AFF3: variants seen among roughly 807,000 people sequenced by gnomAD.
AFF3 encodes the protein ALF transcription elongation factor 3.
In AFF3, 32 loss-of-function variants were observed where a neutral mutation model predicts 129.7. That is an observed-to-expected ratio of 0.25 (90% confidence interval 0.19 to 0.33). AFF3 has a LOEUF of 0.33. AFF3 is among the 10% of genes least tolerant of loss of function. AFF3 has a pLI of 1.00. For missense variants in AFF3, 1,373 were observed against 1,592.0 expected, an observed-to-expected ratio of 0.86 and a Z score of 2.34; for synonymous variants, 644 against 635.4, an observed-to-expected ratio of 1.01 and a Z score of -0.20.
At chr2:99,725,021 A>T (rs561361547) in intron 11 of AFF3, among the ~76,000 whole-genome samples, 1 of 151,630 alleles carries the variant, frequency 6.6e-6, no homozygotes, top group South Asian at 2.1e-4. Flanking sequence ...CCCAGGCTGG[A>T]GTGCAGTGGT....
chr2:100,045,900 TTTATG>T (rs1410898971), intron 4 of AFF3, among the ~76,000 whole-genome samples: 4 of 152,274 alleles, frequency 2.6e-5, no homozygotes, highest in African/African-American at 9.6e-5. Flanking sequence ...TAATCAACTG[TTTATG>T]TTATCAGTAG....
intron 7 of AFF3, 63 bp from the exon 8 acceptor site, chr2:99,837,587 G>C (rs1576146817): frequency 6.7e-7 from 1 of 1,497,940 alleles, no homozygotes. Context: ...CAGAAGACAT[G>C]CAAGGTTCCA....
At chr2:100,036,667 A>AT (rs1491442787) in intron 4 of AFF3, among the ~76,000 whole-genome samples, 1 of 151,986 alleles carries the variant, frequency 6.6e-6, no homozygotes, top group Non-Finnish European at 1.5e-5. Flanking sequence ...TAGGAAAAAG[A>AT]TATGTGACAT....
In AFF3 at chr2:99,939,337, A is replaced by G. The variant is rs113852794; in HGVS notation, c.873+67295T>C. Among the ~76,000 whole-genome samples, 289 of 152,350 alleles carry G rather than the reference A, an allele frequency of 1.9e-3. 1 individual carries two copies. Among genetic ancestry groups the G allele is most frequent in the South Asian group, 3.3e-3 (16 of 4,822 alleles). The stretch of plus-strand genomic sequence containing the variant: ...AGAAAATAAATACAAATGTTTAATT[A>G]AGATAAACTTGGGTAACATTTAACC... On this transcript the variant is annotated intron_variant, in intron 7 of 24. Transcript: ENST00000672756.
intron 4 of AFF3, among the ~76,000 whole-genome samples, chr2:100,014,793 T>TTTTTTTTTTTTTTTTTTTTTTTTTTTTG (rs1682853968): frequency 6.8e-6 from 1 of 148,054 alleles, no homozygotes; most frequent in African/African-American, 2.5e-5. Context: ...CTTTTTTTTT[T>TTTTTTTTTTTTTTTTTTTTTTTTTTTTG]TTTTTTTTTA....
intron 7 of AFF3, among the ~76,000 whole-genome samples, chr2:99,943,937 G>C (rs1675312463): frequency 6.6e-6 from 1 of 151,214 alleles, no homozygotes; most frequent in African/African-American, 2.4e-5. Context: ...TTGATACAGG[G>C]TTTTGCCCAG....
chr2:100,081,286 T>A (rs1159743403), intron 4 of AFF3, among the ~76,000 whole-genome samples: 3 of 152,104 alleles, frequency 2.0e-5, no homozygotes. Flanking sequence ...AAAGTCTTGA[T>A]ACAGAGGCCC....
At chr2:99,672,650 C>T in intron 11 of AFF3, 61 bp from the exon 12 acceptor site, 1 of 1,494,618 alleles carries the variant, frequency 6.7e-7, no homozygotes. Context: ...CAGAATAATT[C>T]AGCACCAAAA....
chr2:99,782,821 G>A (rs1289993923), intron 8 of AFF3, among the ~76,000 whole-genome samples: 1 of 152,176 alleles, frequency 6.6e-6, no homozygotes, highest in Non-Finnish European at 1.5e-5. Flanking sequence ...TAAACTAATG[G>A]CATTTAGAAA....
At chr2:99,700,360 C>G (rs1245366170) in intron 11 of AFF3, among the ~76,000 whole-genome samples, 1 of 152,152 alleles carries the variant, frequency 6.6e-6, no homozygotes, top group Admixed American at 6.5e-5. Context: ...GCCTTGTGAT[C>G]CACCTGCCTT....
rs1024248281 is a variant in AFF3, at chr2:99,938,950, C to T, written c.873+67682G>A. 3.3e-5 allele frequency among the ~76,000 whole-genome samples: 5 copies of T among 152,152 alleles called. 1 individual carries two copies. The South Asian group carries it at 6.2e-4, about 19-fold the overall frequency. ...TACCTTTTTCCTCTCTCAGCCTTTC[C>T]AACCAGGTCATTACTCGCTCTTATA... On this transcript the variant is annotated intron_variant, in intron 7 of 24. Transcript: ENST00000672756.
At position 99,568,855 on chromosome 2, in the gene AFF3, T is replaced by C. The variant is rs747574078; in HGVS notation, c.2979A>G (p.Ala993=). 3 of 1,613,988 alleles carry C rather than the reference T, an allele frequency of 1.9e-6. No homozygotes were observed. Among genetic ancestry groups the C allele is most frequent in the Non-Finnish European group, 2.5e-6 (3 of 1,179,962 alleles). Residue 993 remains alanine (A), a synonymous_variant, in exon 19 of 25, where the codon GCA becomes GCG. Coordinates refer to ENST00000672756, the MANE Select transcript of AFF3 (RefSeq NM_001386135.1). Reference sequence around the variant, plus strand: ...TCTGGAAAGAAAAGGGTCTCACCATTGCATCTGCTTTATGCTTCATTCGTT... The same window carrying C: ...TCTGGAAAGAAAAGGGTCTCACCATCGCATCTGCTTTATGCTTCATTCGTT... The part of the protein sequence containing the change: ...EAKRMKHKAD[A]MVEKFGKALN...
intron 13 of AFF3, among the ~76,000 whole-genome samples, chr2:99,645,028 C>G (rs1172184544): frequency 6.6e-6 from 1 of 152,216 alleles, no homozygotes; most frequent in Non-Finnish European, 1.5e-5. Context: ...TAATTGGCTT[C>G]TTTACTTTGT....
chr2:99,791,973 T>C (rs1685228371), intron 8 of AFF3, among the ~76,000 whole-genome samples: 2 of 152,150 alleles, frequency 1.3e-5, no homozygotes, highest in African/African-American at 4.8e-5. Context: ...GCATGGGTTA[T>C]AGTGCTGTTA....
chr2:99,686,959 TTA>T (rs1675120811), intron 11 of AFF3, among the ~76,000 whole-genome samples: 4 of 152,244 alleles, frequency 2.6e-5, no homozygotes, highest in Admixed American at 2.6e-4. Flanking sequence ...TTGATTGCCT[TTA>T]TGTGCCAGGC....
At chr2:99,811,721 G>A (rs770190032) in intron 8 of AFF3, among the ~76,000 whole-genome samples, 3 of 152,240 alleles carry the variant, frequency 2.0e-5, no homozygotes, top group Non-Finnish European at 4.4e-5. Flanking sequence ...ACAAGGGAAC[G>A]AAAGGACAGA....
intron 4 of AFF3, among the ~76,000 whole-genome samples, chr2:100,032,613 T>C (rs1461004702): frequency 1.3e-5 from 2 of 152,194 alleles, no homozygotes; most frequent in African/African-American, 4.8e-5. Context: ...AATTTTGATG[T>C]AATGAAGATA....
chr2:99,722,811 C>T (rs1307998481), intron 11 of AFF3, among the ~76,000 whole-genome samples: 1 of 152,158 alleles, frequency 6.6e-6, no homozygotes, highest in Non-Finnish European at 1.5e-5. Flanking sequence ...TACTCAATTC[C>T]CAGCCACTCT....
chr2:99,796,021 C>G (rs926225226), intron 8 of AFF3, among the ~76,000 whole-genome samples: 1 of 152,114 alleles, frequency 6.6e-6, no homozygotes, highest in Non-Finnish European at 1.5e-5. Flanking sequence ...TATCTATATT[C>G]TTATTTAACA....
Sources: allele counts gnomAD v4.1 joint callset (sites outside exome capture counted in the v4.1 genomes callset), GRCh38; gene constraint gnomAD v4.1.1; transcripts MANE v1.5; gene names NCBI Gene and HGNC (gene_info 2026-07-23, HGNC 2026-07-21).